Variants in NFU1 observed in about 807,000 individuals in gnomAD.
The protein encoded by NFU1 is NFU1 iron-sulfur cluster scaffold.
In NFU1, 30 loss-of-function variants were observed where a neutral mutation model predicts 32.2. That is an observed-to-expected ratio of 0.93 (90% CI 0.70 to 1.26). The LOEUF (loss-of-function observed/expected upper bound fraction) is 1.26, where lower values mean the gene tolerates loss of function less well. NFU1 is among the 50% of genes most tolerant of loss of function. The pLI, the probability that NFU1 is intolerant of heterozygous loss-of-function variation, is 0.00. For missense variants in NFU1, 306 were observed against 306.6 expected, an observed-to-expected ratio of 1.00 and a Z score of 0.02; for synonymous variants, 112 against 104.6, an observed-to-expected ratio of 1.07 and a Z score of -0.43.
intron 5 of NFU1, among the ~76,000 whole-genome samples, chr2:69,407,570 G>A (rs182303382): frequency 5.3e-5 from 8 of 150,864 alleles, no homozygotes; most frequent in Non-Finnish European, 8.8e-5. Context: ...CCAGCTACTC[G>A]GTAGGCTGAC....
intron 7 of NFU1, chr2:69,399,385 T>C (rs1312717690): frequency 2.2e-5 from 10 of 455,586 alleles, no homozygotes; most frequent in South Asian, 1.4e-4. Context: ...TTATACTCCT[T>C]AGGTATGTTG....
At chr2:69,433,341 GC>G (rs1673712729) in intron 1 of NFU1, among the ~76,000 whole-genome samples, 1 of 151,720 alleles carries the variant, frequency 6.6e-6, no homozygotes, top group Admixed American at 6.6e-5. Context: ...ACCATGCCTG[GC>G]TAATTTTTGT....
At chr2:69,426,839 C>T (rs1199882127) in intron 2 of NFU1, among the ~76,000 whole-genome samples, 4 of 151,324 alleles carry the variant, frequency 2.6e-5, no homozygotes, top group Non-Finnish European at 5.9e-5. Context: ...GAGGCCGAGG[C>T]GGGCGGATCA....
chr2:69,433,970 G>C (rs187765509), intron 1 of NFU1, among the ~76,000 whole-genome samples: 8 of 145,880 alleles, frequency 5.5e-5, no homozygotes, highest in Admixed American at 1.4e-4. Context: ...TTCTGGTAGA[G>C]ATGGATTACC....
chr2:69,400,525 C>G lies in NFU1; in HGVS notation c.559G>C (p.Glu187Gln). ...LDTRIRPTVQ[E>Q]DGGDVIYKGF... ...TTGTAGATTACATCCCCTCCATCTT[C>G]CTGCACAGTTGGCCTGTGAGGTCAA... The change falls in exon 7 of 8, where the codon GAA becomes CAA. Residue 187 changes from glutamate to glutamine, a missense_variant. Glu to Gln is a conservative substitution (Grantham distance 29). Coordinates refer to ENST00000410022, the MANE Select transcript of NFU1 (RefSeq NM_001002755.4). 1 of 1,614,018 alleles carries G rather than the reference C, an allele frequency of 6.2e-7. No homozygotes were observed. Among genetic ancestry groups the G allele is most frequent in the Non-Finnish European group, 8.5e-7 (1 of 1,179,966 alleles).
chr2:69,408,732 TTTTATATATATA>T (rs1337517820), intron 5 of NFU1, among the ~76,000 whole-genome samples: 2 of 70,504 alleles, frequency 2.8e-5, no homozygotes, highest in Non-Finnish European at 5.6e-5. Flanking sequence ...AAATATAAAA[TTTTATATATATA>T]TATATATATA....
At chr2:69,417,520 C>T (rs1673097025) in intron 4 of NFU1, among the ~76,000 whole-genome samples, 1 of 151,562 alleles carries the variant, frequency 6.6e-6, no homozygotes, top group African/African-American at 2.4e-5. Flanking sequence ...GGCATAGTGG[C>T]ATGCACCTGT....
intron 2 of NFU1, among the ~76,000 whole-genome samples, chr2:69,426,160 A>AG (rs1673447270): frequency 6.6e-6 from 1 of 151,290 alleles, no homozygotes; most frequent in South Asian, 2.1e-4. Context: ...TTTGTAGAGA[A>AG]GGGGTTTCAT....
chr2:69,427,203 T>C (rs568465137), intron 2 of NFU1, among the ~76,000 whole-genome samples: 1 of 148,484 alleles, frequency 6.7e-6, no homozygotes, highest in East Asian at 2.0e-4. Flanking sequence ...CTGGCCAACA[T>C]GGTGAAACCC....
rs569535838 is a variant in NFU1, at chr2:69,408,767, T to C, written c.485-2685A>G. Among the ~76,000 whole-genome samples the C allele has an allele frequency of 6.2e-5, 8 of 129,342 alleles. No homozygotes were observed. In the South Asian group the frequency reaches 1.0e-3, roughly 16 times the overall value. 84.9% of individuals were successfully genotyped at this position (129,342 alleles called of 152,430 possible). A position where few individuals can be genotyped will look rare whatever the true frequency, so the allele number is the denominator to read the frequency against. On this transcript the variant is annotated intron_variant, in intron 5 of 7. Coordinates refer to ENST00000410022, the MANE Select transcript of NFU1 (RefSeq NM_001002755.4). ...ATATATATATATATATATATATATA[T>C]ATACACACACACATACATACATCAA...
intron 7 of NFU1, chr2:69,399,276 C>A: frequency 2.8e-6 from 1 of 355,292 alleles, no homozygotes; most frequent in Non-Finnish European, 5.6e-6. Context: ...AATTTCCACA[C>A]ATCCCTTCAC....
At chr2:69,435,905 A>G (rs938452417) in intron 1 of NFU1, among the ~76,000 whole-genome samples, 3 of 133,442 alleles carry the variant, frequency 2.2e-5, no homozygotes, top group African/African-American at 8.5e-5. Flanking sequence ...GGCACACACC[A>G]CCACGCCCAG....
chr2:69,432,357 G>A (rs185243497), intron 1 of NFU1, among the ~76,000 whole-genome samples: 108 of 151,870 alleles, frequency 7.1e-4, no homozygotes, highest in East Asian at 7.0e-3. Flanking sequence ...GGTGGATCAC[G>A]TGAGGTTGGG....
chr2:69,431,738 C>T lies in NFU1; in HGVS notation c.166+164G>A, dbSNP rs116106496. Among the ~76,000 whole-genome samples the T allele has an allele frequency of 4.2e-3, 638 of 152,318 alleles. 2 individuals carry two copies. Among genetic ancestry groups the T allele is most frequent in the Non-Finnish European group, 5.8e-3 (392 of 68,030 alleles). On this transcript the variant is annotated intron_variant, in intron 2 of 7. Coordinates refer to ENST00000410022, the MANE Select transcript of NFU1 (RefSeq NM_001002755.4). ...GACAATATCCTTGCAAATACATTTT[C>T]TACTTAGAAGCCTATAAGAAAAATA...
chr2:69,438,997 TG>T (rs912629175), upstream of NFU1, among the ~76,000 whole-genome samples: 52 of 151,368 alleles, frequency 3.4e-4, no homozygotes, highest in African/African-American at 1.2e-3. Flanking sequence ...TCTTCCACCT[TG>T]GAACAATCGT....
At chr2:69,423,143 A>C (rs759033563) in intron 3 of NFU1, among the ~76,000 whole-genome samples, 10 of 105,170 alleles carry the variant, frequency 9.5e-5, no homozygotes, top group Non-Finnish European at 1.0e-4. Context: ...CACTCAGCTA[A>C]ATTTGTGTGT....
intron 4 of NFU1, chr2:69,416,354 T>A (rs1574131221): frequency 7.2e-6 from 1 of 138,798 alleles, no homozygotes; most frequent in East Asian, 2.0e-4. Context: ...TTAAATATAA[T>A]TATTAATATA....
chr2:69,423,146 TTGTGTGTGTG>T (rs1169374450), intron 3 of NFU1, among the ~76,000 whole-genome samples: 1 of 132,134 alleles, frequency 7.6e-6, no homozygotes, highest in Non-Finnish European at 1.5e-5. Flanking sequence ...TCAGCTAAAT[TTGTGTGTGTG>T]TGTGTGTGTG....
chr2:69,421,957 T>C (rs777119842), intron 3 of NFU1, among the ~76,000 whole-genome samples: 1 of 152,168 alleles, frequency 6.6e-6, no homozygotes, highest in Non-Finnish European at 1.5e-5. Flanking sequence ...ACACATAGTA[T>C]TGAACCCTGC....
Sources: allele counts gnomAD v4.1 joint callset (sites outside exome capture counted in the v4.1 genomes callset), GRCh38; gene constraint gnomAD v4.1.1; transcripts MANE v1.5; gene names NCBI Gene and HGNC (gene_info 2026-07-23, HGNC 2026-07-21).